FGF12: variants seen among roughly 807,000 people sequenced by gnomAD.
FGF12 encodes fibroblast growth factor 12, also known as fibroblast growth factor 12B.
FGF12 carries 14 observed loss-of-function variants against 23.6 expected under a neutral mutation model. The observed-to-expected ratio is 0.59, with a 90% CI of 0.39 to 0.93. The LOEUF is 0.93. Among genes scored for constraint, FGF12 ranks in the 40% least tolerant of loss-of-function variants. The pLI, the probability that FGF12 is intolerant of heterozygous loss-of-function variation, is 0.00. For missense variants in FGF12, 175 were observed against 217.8 expected (o/e 0.80, Z 1.24); for synonymous variants, 62 against 77.3 (o/e 0.80, Z 1.04).
chr3:192,146,818 C>T (rs965952084), intron 5 of FGF12, among the ~76,000 whole-genome samples: 2 of 152,042 alleles, frequency 1.3e-5, no homozygotes, highest in Admixed American at 1.3e-4. Flanking sequence ...TTATATTGAG[C>T]GGTATTGCAA....
chr3:192,323,450 T>C (rs1486265707), intron 4 of FGF12, among the ~76,000 whole-genome samples: 1 of 152,006 alleles, frequency 6.6e-6, no homozygotes, highest in Non-Finnish European at 1.5e-5. Context: ...TTAAGTGAAA[T>C]AAAACAGGCA....
intron 4 of FGF12, among the ~76,000 whole-genome samples, chr3:192,222,565 G>A (rs1718530849): frequency 6.6e-6 from 1 of 152,032 alleles, no homozygotes; most frequent in Admixed American, 6.6e-5. Context: ...AAGCTCAGTT[G>A]GCAGATACCA....
intron 2 of FGF12, among the ~76,000 whole-genome samples, chr3:192,702,711 G>C (rs1411978704): frequency 6.6e-6 from 1 of 152,120 alleles, no homozygotes; most frequent in East Asian, 1.9e-4. Flanking sequence ...AGGATCACTA[G>C]AACCCGGGAG....
rs555954180 is a variant in FGF12, at chr3:192,154,627, G to C, written c.428-10500C>G. ...CGGTGCCTCCCAGTTAGGCTGCTCGGGGGTCAGGGGTCAGGGACCCACTTG... is the reference window on the plus strand; with the variant it reads ...CGGTGCCTCCCAGTTAGGCTGCTCGCGGGTCAGGGGTCAGGGACCCACTTG... On this transcript the variant is annotated intron_variant, in intron 5 of 5. Transcript: ENST00000445105. 2.9e-3 allele frequency among the ~76,000 whole-genome samples: 442 copies of C among 150,232 alleles called. 3 individuals carry two copies. The highest frequency in any genetic ancestry group is 0.02 in the Admixed American group (294 of 15,028).
At chr3:192,160,063 T>TAACA (rs1714781974) in intron 5 of FGF12, among the ~76,000 whole-genome samples, 1 of 152,094 alleles carries the variant, frequency 6.6e-6, no homozygotes, top group African/African-American at 2.4e-5. Context: ...TGTCTTTATC[T>TAACA]AACAACCTAC....
intron 4 of FGF12, among the ~76,000 whole-genome samples, chr3:192,295,910 T>TCTTG (rs1283211614): frequency 6.6e-6 from 1 of 151,894 alleles, no homozygotes; most frequent in Non-Finnish European, 1.5e-5. Flanking sequence ...TGAGACAAGG[T>TCTTG]CTTGCTCTGT....
At chr3:192,573,201 A>G (rs1302618778) in intron 2 of FGF12, among the ~76,000 whole-genome samples, 2 of 151,658 alleles carry the variant, frequency 1.3e-5, no homozygotes, top group Non-Finnish European at 2.9e-5. Flanking sequence ...CTGGCCTTAA[A>G]AATAATCTTG....
chr3:192,370,277 T>A (rs1314637420), intron 2 of FGF12, among the ~76,000 whole-genome samples: 1 of 152,336 alleles, frequency 6.6e-6, no homozygotes, highest in East Asian at 1.9e-4. Flanking sequence ...AGCCTTCATA[T>A]ATGTACATGT....
chr3:192,468,970 C>T (rs1723086027), intron 2 of FGF12, among the ~76,000 whole-genome samples: 1 of 152,148 alleles, frequency 6.6e-6, no homozygotes, highest in Non-Finnish European at 1.5e-5. Flanking sequence ...AGTATAGATT[C>T]ACGGCTATTT....
At chr3:192,156,353 T>C (rs975139814) in intron 5 of FGF12, among the ~76,000 whole-genome samples, 2 of 152,226 alleles carry the variant, frequency 1.3e-5, no homozygotes, top group Non-Finnish European at 2.9e-5. Context: ...TAGTTAACTA[T>C]GTCTCACTCA....
intron 2 of FGF12, among the ~76,000 whole-genome samples, chr3:192,483,826 A>G (rs1204689481): frequency 6.6e-6 from 1 of 152,194 alleles, no homozygotes; most frequent in Non-Finnish European, 1.5e-5. Flanking sequence ...GTAGAGAAGT[A>G]ACCCATCTAA....
chr3:192,490,925 G>A (rs1438475883), intron 2 of FGF12, among the ~76,000 whole-genome samples: 1 of 152,106 alleles, frequency 6.6e-6, no homozygotes, highest in South Asian at 2.1e-4. Flanking sequence ...AGGATGCTGG[G>A]AATGTTCTGT....
chr3:192,608,319 C>T (rs1474447175), intron 2 of FGF12, among the ~76,000 whole-genome samples: 1 of 152,032 alleles, frequency 6.6e-6, no homozygotes, highest in East Asian at 1.9e-4. Context: ...GTTTGTGACA[C>T]AAAGAAGTGA....
At chr3:192,505,947 C>T (rs559764093) in intron 2 of FGF12, among the ~76,000 whole-genome samples, 15 of 152,212 alleles carry the variant, frequency 9.9e-5, no homozygotes, top group African/African-American at 3.4e-4. Context: ...GGAGGAGTTA[C>T]GAATATTCAT....
At chr3:192,645,274 A>G (rs1047192967) in intron 2 of FGF12, among the ~76,000 whole-genome samples, 25 of 152,244 alleles carry the variant, frequency 1.6e-4, no homozygotes, top group Admixed American at 2.6e-4. Flanking sequence ...GGGTGAGGCA[A>G]GTTAGGAGGA....
intron 2 of FGF12, among the ~76,000 whole-genome samples, chr3:192,604,462 G>T (rs941018469): frequency 6.6e-6 from 1 of 152,122 alleles, no homozygotes; most frequent in African/African-American, 2.4e-5. Flanking sequence ...CTCCGTTCAG[G>T]GTCCCTGACT....
At chr3:192,674,658 T>A (rs1577114238) in intron 2 of FGF12, among the ~76,000 whole-genome samples, 1 of 152,204 alleles carries the variant, frequency 6.6e-6, no homozygotes, top group East Asian at 1.9e-4. Context: ...TTCTGTCAAA[T>A]GATTACTCTC....
At chr3:192,650,381 T>C (rs2108675527) in intron 2 of FGF12, among the ~76,000 whole-genome samples, 1 of 152,342 alleles carries the variant, frequency 6.6e-6, no homozygotes, top group Non-Finnish European at 1.5e-5. Context: ...TTGCACCTGC[T>C]ATTTCCACTA....
intron 2 of FGF12, among the ~76,000 whole-genome samples, chr3:192,388,865 G>C (rs1301799515): frequency 6.6e-6 from 1 of 150,978 alleles, no homozygotes; most frequent in Non-Finnish European, 1.5e-5. Flanking sequence ...AACAAAATAA[G>C]CAAAAACTTT....
Sources: gnomAD v4.1 joint callset for allele counts (sites outside exome capture counted in the v4.1 genomes callset) on GRCh38, gnomAD v4.1.1 for gene constraint, MANE v1.5 for transcripts, NCBI Gene and HGNC (gene_info 2026-07-23, HGNC 2026-07-21) for gene names.